Variants in MATN2 observed in about 807,000 individuals in gnomAD.
The protein encoded by MATN2 is matrilin 2, also known as matrilin-2.
MATN2 carries 69 observed loss-of-function variants against 103.2 expected under a neutral mutation model. The observed-to-expected ratio is 0.67, with a 90% CI of 0.55 to 0.82. MATN2 has a LOEUF of 0.82. Among genes scored for constraint, MATN2 ranks in the 40% least tolerant of loss-of-function variants. The pLI, the probability that MATN2 is intolerant of heterozygous loss-of-function variation, is 0.00. For synonymous variants in MATN2, 429 were observed against 450.2 expected, an observed-to-expected ratio of 0.95 and a Z score of 0.60; for missense variants, 1,023 against 1,211.5, an observed-to-expected ratio of 0.84 and a Z score of 2.31.
In MATN2 at chr8:97,998,501, G is replaced by A. The variant is rs1454044660; in HGVS notation, c.1204+3899G>A. ...CGTGCCACTGCACTCCAGCCTGGGC[G>A]ACAGTGAGACTCTGTCTCAAAAAAA... is the stretch of plus-strand genomic sequence containing the variant. On this transcript the variant is annotated intron_variant, in intron 7 of 18. Transcript: ENST00000254898. Among the ~76,000 whole-genome samples, 41 of 134,866 alleles carry A rather than the reference G, an allele frequency of 3.0e-4. No individual in the cohort carries two copies. The South Asian group carries it at 5.3e-3, about 17-fold the overall frequency. The allele number at this position is 134,866 out of a possible 152,430, so 88.5% of individuals were successfully genotyped here.
intron 8 of MATN2, among the ~76,000 whole-genome samples, chr8:98,004,949 C>G (rs190389774): frequency 6.6e-6 from 1 of 152,180 alleles, no homozygotes; most frequent in Admixed American, 6.5e-5. Flanking sequence ...CCTTGGCATG[C>G]GGGAGAGGGG....
chr8:97,883,577 A>G (rs1818324417), intron 1 of MATN2, among the ~76,000 whole-genome samples: 2 of 142,088 alleles, frequency 1.4e-5, no homozygotes, highest in Admixed American at 7.3e-5. Flanking sequence ...TTTTTGAGAC[A>G]GAGTCTCACT....
intron 10 of MATN2, among the ~76,000 whole-genome samples, chr8:98,011,097 C>T (rs1222052904): frequency 1.3e-5 from 2 of 152,200 alleles, no homozygotes; most frequent in Non-Finnish European, 2.9e-5. Context: ...TTGCAGACAG[C>T]CAGCACCCAG....
chr8:98,027,977 G>C, intron 14 of MATN2, 148 bp downstream of exon 14: 1 of 757,324 alleles, frequency 1.3e-6, no homozygotes, highest in South Asian at 2.9e-5. Context: ...TTACTACCCT[G>C]CCACCTAGAA....
chr8:98,020,506 C>T (rs564651219), intron 12 of MATN2, among the ~76,000 whole-genome samples: 20 of 152,322 alleles, frequency 1.3e-4, no homozygotes, highest in African/African-American at 4.3e-4. Flanking sequence ...ATTCATTCAA[C>T]ACATTTATTG....
Position 98,022,741 on chromosome 8 carries a change from G to C in MATN2, c.1942+1414G>C, listed in dbSNP as rs1230749339. 2.6e-5 allele frequency among the ~76,000 whole-genome samples: 4 copies of C among 151,890 alleles called. No homozygotes were observed. In the East Asian group the frequency reaches 7.8e-4, roughly 29 times the overall value. ...AGTTCAGAGCATAAGCTTCAGCTCA[G>C]ACAGATCTGGATTTGAACCCTGATT... On this transcript the variant is annotated intron_variant, in intron 13 of 18. Transcript: ENST00000254898.
chr8:97,955,726 C>T (rs765497444), intron 4 of MATN2, among the ~76,000 whole-genome samples: 2 of 152,148 alleles, frequency 1.3e-5, no homozygotes, highest in Non-Finnish European at 2.9e-5. Flanking sequence ...ACAGAGCTTA[C>T]AAGAGTAGGT....
intron 1 of MATN2, among the ~76,000 whole-genome samples, chr8:97,872,831 A>G (rs370800245): frequency 1.3e-5 from 2 of 150,808 alleles, no homozygotes; most frequent in Admixed American, 1.3e-4. Context: ...GTCTCGTTCT[A>G]TCGCCCACGC....
intron 1 of MATN2, among the ~76,000 whole-genome samples, chr8:97,887,473 T>C (rs78890453): frequency 0.015 from 2,305 of 152,174 alleles, 47 homozygotes; most frequent in East Asian, 0.063. Flanking sequence ...CAAGTTAATA[T>C]AGGTAAAGAA....
At chr8:97,881,402 T>C (rs866342213) in intron 1 of MATN2, among the ~76,000 whole-genome samples, 1 of 152,208 alleles carries the variant, frequency 6.6e-6, no homozygotes, top group Middle Eastern at 3.2e-3. Context: ...CCTGTGGATT[T>C]ACTTGCAACA....
intron 6 of MATN2, among the ~76,000 whole-genome samples, chr8:97,984,651 A>G (rs544176620): frequency 6.6e-6 from 1 of 152,342 alleles, no homozygotes; most frequent in South Asian, 2.1e-4. Context: ...GTGTTTCTTC[A>G]TGGTGTGCAA....
rs202116053 is a variant in MATN2, at chr8:98,016,546, A to C, written c.1580A>C (p.Asp527Ala). The C allele has an allele frequency of 7.3e-5, 118 of 1,607,474 alleles. No homozygotes were observed. Among genetic ancestry groups the C allele is most frequent in the Non-Finnish European group, 9.7e-5 (114 of 1,176,618 alleles). The part of the protein sequence containing the change: ...RSDGKTCAKL[D>A]SCALGDHGCE... ...ATTCCCATTTGATTCTCAGAATTGG[A>C]CTCTTGTGCTCTGGGGGACCACGGT... Residue 527 changes from aspartate (D) to alanine (A), a missense_variant, in exon 11 of 19, where the codon GAC (aspartate) becomes GCC (alanine). Physicochemically the swap from Asp to Ala is moderately radical, Grantham distance 126. Coordinates refer to ENST00000254898, the MANE Select transcript of MATN2 (RefSeq NM_002380.5).
At chr8:98,025,272 G>GCA (rs111241959) in intron 13 of MATN2, 2,938 of 149,156 alleles carry the variant, frequency 0.02, 46 homozygotes, top group African/African-American at 0.055. Flanking sequence ...GCGCACTCAC[G>GCA]CACACACACA....
At chr8:98,022,156 A>G (rs1273848996) in intron 13 of MATN2, among the ~76,000 whole-genome samples, 1 of 152,254 alleles carries the variant, frequency 6.6e-6, no homozygotes, top group Non-Finnish European at 1.5e-5. Context: ...GTAATAAAAC[A>G]TGATGCAGCT....
chr8:97,998,327 T>G (rs1050327652), intron 7 of MATN2, among the ~76,000 whole-genome samples: 1 of 150,670 alleles, frequency 6.6e-6, no homozygotes, highest in East Asian at 2.0e-4. Flanking sequence ...GAGACCATCC[T>G]GGCTAACACG....
Position 98,007,187 on chromosome 8 carries a change from AG to A in MATN2, c.1411del (p.Glu471LysfsTer20). On this transcript the variant is annotated frameshift_variant, in exon 9 of 19. Coordinates refer to ENST00000254898, the MANE Select transcript of MATN2 (RefSeq NM_002380.5). LOFTEE classifies it high-confidence loss of function. This position sits in a 1 kb window ranked among gnomAD's most constrained non-coding sequence, Gnocchi z 4.2. Reference sequence around the variant, plus strand: ...AGGATTCCTTCGTCTGCCAGTGCTCAGAAGGCTTCCTCATCAACGAGGACCT... The same window carrying A: ...AGGATTCCTTCGTCTGCCAGTGCTCAAAGGCTTCCTCATCAACGAGGACCT... ...TEDSFVCQCS[E>X]GFLINEDLKT... 2 of 1,613,972 alleles carry A rather than the reference AG, an allele frequency of 1.2e-6. No homozygotes were observed. Among genetic ancestry groups the A allele is most frequent in the Non-Finnish European group, 1.7e-6 (2 of 1,179,880 alleles).
chr8:97,981,132 C>T (rs576006749), intron 6 of MATN2, among the ~76,000 whole-genome samples: 72 of 150,836 alleles, frequency 4.8e-4, no homozygotes, highest in African/African-American at 1.7e-3. Context: ...CTGTAGTGAG[C>T]CATGATGGCA....
chr8:98,005,974 T>C lies in MATN2; in HGVS notation c.1328-1131T>C, dbSNP rs1472926175. 6.6e-6 allele frequency among the ~76,000 whole-genome samples: 1 copy of C among 152,252 alleles called. No individual in the cohort carries two copies. The highest frequency in any genetic ancestry group is 1.5e-5 in the Non-Finnish European group (1 of 68,040). On this transcript the variant is annotated intron_variant, in intron 8 of 18. Coordinates refer to ENST00000254898, the MANE Select transcript of MATN2 (RefSeq NM_002380.5). This position sits in a 1 kb window ranked among gnomAD's most constrained non-coding sequence, Gnocchi z 4.6. ...TCTGGAAGGCACTGGTCCCAGACTC[T>C]GCGGGAGTCAAGAGGCCCACTTGGC...
intron 6 of MATN2, among the ~76,000 whole-genome samples, chr8:97,990,922 T>G (rs1812368792): frequency 6.6e-6 from 1 of 152,218 alleles, no homozygotes; most frequent in Admixed American, 6.5e-5. Flanking sequence ...TGCTTATTAT[T>G]TTGATTGTGG....
Sources: allele counts gnomAD v4.1 joint callset (sites outside exome capture counted in the v4.1 genomes callset), GRCh38; gene constraint gnomAD v4.1.1; non-coding constraint Gnocchi (gnomAD v3.1); transcripts MANE v1.5; gene names NCBI Gene and HGNC (gene_info 2026-07-23, HGNC 2026-07-21).